Variants in RAD51B observed in about 807,000 individuals in gnomAD.
The protein encoded by RAD51B is RAD51 paralog B, also known as DNA repair protein RAD51 homolog 2.
RAD51B carries 38 observed loss-of-function variants against 42.2 expected under a neutral mutation model. The ratio of observed to expected loss-of-function variants is 0.90; its 90% CI spans 0.70 to 1.18. The LOEUF (loss-of-function observed/expected upper bound fraction) is 1.18. Ranked by LOEUF, RAD51B falls within the 50% of genes most tolerant of loss-of-function variation. RAD51B has a pLI of 0.00. For missense variants in RAD51B, 373 were observed against 400.7 expected (o/e 0.93, Z 0.59); for synonymous variants, 154 against 145.2 (o/e 1.06, Z -0.43).
At chr14:68,448,992 C>T (rs1458234501) in intron 9 of RAD51B, among the ~76,000 whole-genome samples, 3 of 152,060 alleles carry the variant, frequency 2.0e-5, no homozygotes, top group Non-Finnish European at 4.4e-5. Flanking sequence ...TATGTACTCA[C>T]CATATATAAT....
intron 7 of RAD51B, among the ~76,000 whole-genome samples, chr14:67,898,388 C>G (rs956462153): frequency 2.6e-5 from 4 of 152,134 alleles, no homozygotes; most frequent in African/African-American, 9.7e-5. Flanking sequence ...AATAGTCAAA[C>G]TCATAGAGCA....
At chr14:68,437,880 A>G (rs966926157) in intron 9 of RAD51B, among the ~76,000 whole-genome samples, 1 of 152,178 alleles carries the variant, frequency 6.6e-6, no homozygotes, top group Non-Finnish European at 1.5e-5. Flanking sequence ...ACTGGAAACA[A>G]AACTTGAAAA....
rs2079789703 is a variant in RAD51B at position 68,215,247 on chromosome 14, A to T, written c.757-76637A>T. Among the ~76,000 whole-genome samples the T allele has an allele frequency of 2.0e-5, 3 of 152,214 alleles. No individual in the cohort carries two copies. In the South Asian group the frequency reaches 6.2e-4, roughly 31 times the overall value. On this transcript the variant is annotated intron_variant, in intron 7 of 10. Transcript: ENST00000471583. ...ACACCAATGGCGTCTACTCTCCCTT[A>T]TCATATAACTATCTTAATATTTGAA... is the stretch of plus-strand genomic sequence containing the variant.
chr14:68,629,193 TAAGCCTTCAGCTGACAGAG>T (rs1361689054), intron 10 of RAD51B, among the ~76,000 whole-genome samples: 1 of 152,148 alleles, frequency 6.6e-6, no homozygotes. Context: ...CAAACAAAAG[TAAGCCTTCAGCTGACAGAG>T]AAGCTGCCCC....
chr14:67,864,961 CTTTTTTTTTTTTTTTTTTTTTTTT>C lies in RAD51B; in HGVS notation c.316-26_316-3del, dbSNP rs745505141. The C allele has an allele frequency of 5.9e-4, 382 of 644,964 alleles. 2 individuals carry two copies. The highest frequency in any genetic ancestry group is 2.7e-3 in the South Asian group (71 of 26,296). 40.0% of individuals were successfully genotyped at this position (644,964 alleles called of 1,614,324 possible). A position where few individuals can be genotyped will look rare whatever the true frequency, so the allele number is the denominator to read the frequency against. ...TGGCTTGTGATGTTTATCTAAAAAA[CTTTTTTTTTTTTTTTTTTTTTTTT>C]TTTTTTTTTTTTTTTAGATTACAGG... is the stretch of plus-strand genomic sequence containing the variant. On this transcript the variant is annotated intron_variant, in intron 4 of 10. Transcript: ENST00000471583.
chr14:68,099,864 T>C (rs1209111545), intron 7 of RAD51B, among the ~76,000 whole-genome samples: 1 of 152,170 alleles, frequency 6.6e-6, no homozygotes, highest in Non-Finnish European at 1.5e-5. Flanking sequence ...GTTTTTGGTT[T>C]CTGCATTTAG....
chr14:68,004,157 T>C (rs758556132), intron 7 of RAD51B, among the ~76,000 whole-genome samples: 4 of 151,988 alleles, frequency 2.6e-5, no homozygotes, highest in South Asian at 2.1e-4. Flanking sequence ...GGTGAAACCC[T>C]GTCTCTACTA....
At chr14:68,638,574 G>A (rs934496447) in intron 10 of RAD51B, among the ~76,000 whole-genome samples, 1 of 152,192 alleles carries the variant, frequency 6.6e-6, no homozygotes, top group African/African-American at 2.4e-5. Flanking sequence ...GAAAGATCAA[G>A]GGTTGCTGGG....
chr14:68,478,181 C>G, downstream of RAD51B: 2 of 985,894 alleles, frequency 2.0e-6, no homozygotes, highest in Non-Finnish European at 2.4e-6. Flanking sequence ...AGGCTGGGGG[C>G]GGGCATGGGC....
chr14:68,225,441 AC>A (rs1446509222), intron 7 of RAD51B, among the ~76,000 whole-genome samples: 26 of 152,300 alleles, frequency 1.7e-4, no homozygotes, highest in African/African-American at 6.0e-4. Context: ...GCTACCAATA[AC>A]CTTCTTTCAG....
chr14:68,682,910 CTTTTTTTT>C (rs535044457), intron 11 of RAD51B: 6,992 of 698,986 alleles, frequency 0.01, 8 homozygotes, highest in Middle Eastern at 0.013. Flanking sequence ...TAGCTTATGG[CTTTTTTTT>C]TTTTTTTTTT....
chr14:68,355,696 GA>G (rs1436610941), intron 8 of RAD51B, among the ~76,000 whole-genome samples: 2 of 152,162 alleles, frequency 1.3e-5, no homozygotes, highest in Non-Finnish European at 2.9e-5. Flanking sequence ...AGGAAAAATG[GA>G]AAAGTCAATT....
At chr14:68,459,808 G>A (rs1007229863) in intron 9 of RAD51B, among the ~76,000 whole-genome samples, 1 of 152,190 alleles carries the variant, frequency 6.6e-6, no homozygotes, top group Non-Finnish European at 1.5e-5. Flanking sequence ...TAGAAAGAAA[G>A]CCAGTCCTAC....
At chr14:67,951,473 A>C (rs960562988) in intron 7 of RAD51B, among the ~76,000 whole-genome samples, 1 of 152,140 alleles carries the variant, frequency 6.6e-6, no homozygotes, top group African/African-American at 2.4e-5. Context: ...TGTAGTACCC[A>C]TTTTTTCCTA....
intron 9 of RAD51B, among the ~76,000 whole-genome samples, chr14:68,413,462 G>A (rs1447469075): frequency 6.6e-6 from 1 of 152,148 alleles, no homozygotes; most frequent in Admixed American, 6.5e-5. Flanking sequence ...TAAATGCCTT[G>A]GAATCATGTT....
At chr14:68,454,168 C>T (rs112219408) in intron 9 of RAD51B, among the ~76,000 whole-genome samples, 23,956 of 152,136 alleles carry the variant, frequency 0.16, 2,495 homozygotes, top group Non-Finnish European at 0.23. Flanking sequence ...GATCAGTTGT[C>T]TAGTGCTGTG....
At chr14:68,158,935 A>G (rs939226668) in intron 7 of RAD51B, among the ~76,000 whole-genome samples, 2 of 152,288 alleles carry the variant, frequency 1.3e-5, no homozygotes, top group Middle Eastern at 3.4e-3. Flanking sequence ...TCTGTTTTCT[A>G]TCTTTTTATT....
At chr14:67,896,877 G>A (rs926985323) in intron 7 of RAD51B, among the ~76,000 whole-genome samples, 1 of 152,238 alleles carries the variant, frequency 6.6e-6, no homozygotes, top group South Asian at 2.1e-4. Context: ...AAAACAGTAT[G>A]ATACTAGCAT....
Position 68,468,225 on chromosome 14 carries a change from C to T in RAD51B, c.1011C>T (p.Ile337=). 1.9e-6 allele frequency: 3 copies of T among 1,613,928 alleles called. No homozygotes were observed. The highest frequency in any genetic ancestry group is 2.5e-6 in the Non-Finnish European group (3 of 1,179,844). Residue 337 remains isoleucine (I), a synonymous_variant, in exon 10 of 11, where the codon ATC becomes ATT. Transcript: ENST00000471583. The stretch of plus-strand genomic sequence containing the variant: ...CCTTCACCTCATTTGTCTACACCAT[C>T]AAGGAGGAAGGCCTGGTTCTTCAAG... ...LAPFTSFVYT[I]KEEGLVLQGQ...
Sources: gnomAD v4.1 joint callset for allele counts (sites outside exome capture counted in the v4.1 genomes callset) on GRCh38, gnomAD v4.1.1 for gene constraint, MANE v1.5 for transcripts, NCBI Gene and HGNC (gene_info 2026-07-23, HGNC 2026-07-21) for gene names.